The following PARD3B variants were observed in gnomAD, a reference collection of about 807,000 sequenced individuals.
The protein encoded by PARD3B is partitioning defective 3 homolog B.
A neutral mutation model predicts 130.2 loss-of-function variants in PARD3B; 103 were observed. The ratio of observed to expected loss-of-function variants is 0.79; its 90% CI spans 0.67 to 0.93. The LOEUF (loss-of-function observed/expected upper bound fraction) is 0.93, where lower values mean the gene tolerates loss of function less well. Ranked by LOEUF, PARD3B falls within the 40% of genes least tolerant of loss-of-function variation. PARD3B has a pLI of 0.00. For synonymous variants in PARD3B, 583 were observed against 553.2 expected, an observed-to-expected ratio of 1.05 and a Z score of -0.76; for missense variants, 1,609 against 1,499.2, an observed-to-expected ratio of 1.07 and a Z score of -1.21.
intron 2 of PARD3B, among the ~76,000 whole-genome samples, chr2:204,913,216 G>A (rs1321066586): frequency 2.0e-5 from 3 of 152,092 alleles, no homozygotes; most frequent in African/African-American, 7.2e-5. Flanking sequence ...AATTTCACAA[G>A]CTTTTATGGA....
intron 10 of PARD3B, among the ~76,000 whole-genome samples, chr2:205,141,959 A>G (rs2032993803): frequency 6.6e-6 from 1 of 152,192 alleles, no homozygotes; most frequent in African/African-American, 2.4e-5. Context: ...AATGTTCTTT[A>G]AAAAATATGT....
chr2:204,699,232 C>T (rs773454420), intron 2 of PARD3B, among the ~76,000 whole-genome samples: 1 of 152,050 alleles, frequency 6.6e-6, no homozygotes, highest in Non-Finnish European at 1.5e-5. Flanking sequence ...GCCCTGGGCC[C>T]CTAAATGGGG....
rs73982592 is a variant in PARD3B, at chr2:204,872,787, C to G, written c.223-92365C>G. On this transcript the variant is annotated intron_variant, in intron 2 of 22. Coordinates refer to ENST00000406610, the MANE Select transcript of PARD3B (RefSeq NM_001302769.2). ...TGGCAGATACTACATAAACCAAATA[C>G]TTATTTGAACTCTACACCATCTTGC... Among the ~76,000 whole-genome samples the G allele has an allele frequency of 8.2e-3, 1,250 of 152,224 alleles. 10 individuals are homozygous for G. Among genetic ancestry groups the G allele is most frequent in the African/African-American group, 0.028 (1,154 of 41,536 alleles).
At chr2:205,340,107 C>T (rs1185339245) in intron 18 of PARD3B, among the ~76,000 whole-genome samples, 1 of 152,076 alleles carries the variant, frequency 6.6e-6, no homozygotes, top group East Asian at 1.9e-4. Flanking sequence ...CTGTTAAATG[C>T]TCTCTAAGCT....
In PARD3B at chr2:205,252,845, C is replaced by CA. The variant is rs1306435887; in HGVS notation, c.2185+7023_2185+7024insA. Among the ~76,000 whole-genome samples the CA allele has an allele frequency of 2.9e-5, 4 of 137,412 alleles. 1 individual carries two copies. Among genetic ancestry groups the CA allele is most frequent in the African/African-American group, 1.1e-4 (4 of 37,552 alleles). The allele number at this position is 137,412 out of a possible 152,430, so 90.1% of individuals were successfully genotyped here. A position where few individuals can be genotyped will look rare whatever the true frequency, so the allele number is the denominator to read the frequency against. On this transcript the variant is annotated intron_variant, in intron 16 of 22. Transcript: ENST00000406610. ...TTGTAGGAACCTGAAGGGACCCCCC[C>CA]CCCCCACCAAAAAAAAAAAAAAAGG...
chr2:205,120,742 T>C (rs2030600140), intron 7 of PARD3B, among the ~76,000 whole-genome samples: 2 of 151,950 alleles, frequency 1.3e-5, no homozygotes, highest in African/African-American at 4.8e-5. Context: ...CACTTCTGAG[T>C]TTCAAGAAAT....
intron 20 of PARD3B, among the ~76,000 whole-genome samples, chr2:205,449,820 AAAG>A (rs2048037331): frequency 1.3e-5 from 2 of 152,354 alleles, no homozygotes; most frequent in South Asian, 2.1e-4. Flanking sequence ...GAGGTCACAC[AAAG>A]AAGTTTAGAA....
chr2:205,602,988 G>A lies in PARD3B; in HGVS notation c.3261-12468G>A, dbSNP rs187375434. Among the ~76,000 whole-genome samples, 6 of 152,280 alleles carry A rather than the reference G, an allele frequency of 3.9e-5. No homozygotes were observed. The East Asian group carries it at 9.7e-4, about 24-fold the overall frequency. On this transcript the variant is annotated intron_variant, in intron 22 of 22. Transcript: ENST00000406610. ...TTTGAGATCTTTCTAGCTTTTTGGT[G>A]TGGGCATTAGTGCTATAAATTTCCC...
intron 18 of PARD3B, among the ~76,000 whole-genome samples, chr2:205,303,463 T>C (rs1250542009): frequency 2.0e-5 from 3 of 152,142 alleles, no homozygotes; most frequent in Non-Finnish European, 4.4e-5. Context: ...GCTGGTAGAC[T>C]TCTTGGACAG....
chr2:205,128,971 G>A lies in PARD3B; in HGVS notation c.1434+3234G>A, dbSNP rs2031726588. Among the ~76,000 whole-genome samples, 2 of 152,138 alleles carry A rather than the reference G, an allele frequency of 1.3e-5. No homozygotes were observed. The highest frequency in any genetic ancestry group is 4.8e-5 in the African/African-American group (2 of 41,428). On this transcript the variant is annotated intron_variant, in intron 10 of 22. Transcript: ENST00000406610. This position sits in a 1 kb window ranked among gnomAD's most constrained non-coding sequence, Gnocchi z 4.5. ...TGATTTCTATCCCAGAATGACATAG[G>A]CCAAGTCCACCAGGGAGCATATTAA...
chr2:205,301,626 A>T lies in PARD3B; in HGVS notation c.2555A>T (p.Lys852Met). ...KKKEKGKLKVKEKKRKEENED... is the reference protein window; with the variant it reads ...KKKEKGKLKVMEKKRKEENED... Reference sequence around the variant, plus strand: ...AAGGAAAAGGGCAAATTGAAAGTCAAGGAGAAAAAGCGCAAAGAGGAGAAT... The same window carrying T: ...AAGGAAAAGGGCAAATTGAAAGTCATGGAGAAAAAGCGCAAAGAGGAGAAT... The change falls in exon 18 of 23, where the codon AAG (lysine) becomes ATG (methionine). Residue 852 changes from lysine (K) to methionine (M), a missense_variant. By Grantham distance (95) the Lys-to-Met change is moderately conservative. Transcript: ENST00000406610. The surrounding 1 kb of genome is among the most constrained non-coding windows in gnomAD (Gnocchi z 5.2). 6.2e-7 allele frequency: 1 copy of T among 1,613,728 alleles called. No individual in the cohort carries two copies. Among genetic ancestry groups the T allele is most frequent in the Non-Finnish European group, 8.5e-7 (1 of 1,179,752 alleles).
chr2:205,567,029 G>A (rs1463506600), intron 22 of PARD3B, among the ~76,000 whole-genome samples: 1 of 152,186 alleles, frequency 6.6e-6, no homozygotes, highest in Non-Finnish European at 1.5e-5. Context: ...AGAAGAAACG[G>A]TGGAAACTGT....
At chr2:204,792,958 G>T (rs1158703660) in intron 2 of PARD3B, among the ~76,000 whole-genome samples, 2 of 151,516 alleles carry the variant, frequency 1.3e-5, no homozygotes, top group Non-Finnish European at 2.9e-5. Context: ...TTCACCAACA[G>T]CTGGTAACAA....
At chr2:205,573,014 T>C (rs977644648) in intron 22 of PARD3B, among the ~76,000 whole-genome samples, 3 of 152,150 alleles carry the variant, frequency 2.0e-5, no homozygotes, top group African/African-American at 7.2e-5. Context: ...CTTCTTCACA[T>C]GGCAGCAGCA....
chr2:205,211,217 T>C (rs1355581085), intron 15 of PARD3B, among the ~76,000 whole-genome samples: 1 of 152,076 alleles, frequency 6.6e-6, no homozygotes. Context: ...AGCATATTAG[T>C]ACAAAGACTG....
chr2:205,385,878 C>T (rs2045644129), intron 18 of PARD3B, among the ~76,000 whole-genome samples: 2 of 152,046 alleles, frequency 1.3e-5, no homozygotes, highest in Non-Finnish European at 2.9e-5. Context: ...CTGAATTTGA[C>T]CCATGTAGAC....
Position 205,473,626 on chromosome 2 carries a change from CTA to C in PARD3B, c.3045-26268_3045-26267del, listed in dbSNP as rs1253616130. ...GTACTAACTGAAATGCTTCTTTCTT[CTA>C]TGTTTCCCAATATAAGGTTATATAT... On this transcript the variant is annotated intron_variant, in intron 20 of 22. Coordinates refer to ENST00000406610, the MANE Select transcript of PARD3B (RefSeq NM_001302769.2). This position sits in a 1 kb window ranked among gnomAD's most constrained non-coding sequence, Gnocchi z 4.9. Among the ~76,000 whole-genome samples, 12 of 143,134 alleles carry C rather than the reference CTA, an allele frequency of 8.4e-5. No homozygotes were observed. Among genetic ancestry groups the C allele is most frequent in the Non-Finnish European group, 1.2e-4 (8 of 65,900 alleles). The allele number at this position is 143,134 out of a possible 152,430, so 93.9% of individuals were successfully genotyped here. A position where few individuals can be genotyped will look rare whatever the true frequency, so the allele number is the denominator to read the frequency against.
At chr2:205,262,579 A>G (rs192062151) in intron 16 of PARD3B, among the ~76,000 whole-genome samples, 11 of 152,240 alleles carry the variant, frequency 7.2e-5, no homozygotes, top group Non-Finnish European at 1.2e-4. Flanking sequence ...TTTCAAAAGT[A>G]TAAGAAAGGG....
chr2:205,501,141 A>T (rs2050145342), intron 21 of PARD3B, among the ~76,000 whole-genome samples: 1 of 152,142 alleles, frequency 6.6e-6, no homozygotes, highest in African/African-American at 2.4e-5. Flanking sequence ...CTGGGGTGTG[A>T]AAATCAGTTT....
Sources: gnomAD v4.1 joint callset for allele counts (sites outside exome capture counted in the v4.1 genomes callset) on GRCh38, gnomAD v4.1.1 for gene constraint, Gnocchi (gnomAD v3.1) non-coding constraint, MANE v1.5 for transcripts, NCBI Gene and HGNC (gene_info 2026-07-23, HGNC 2026-07-21) for gene names.